The following CNTN5 variants were observed in gnomAD, a reference collection of about 807,000 sequenced individuals.
CNTN5 encodes contactin 5, also known as contactin-5.
CNTN5 carries 77 observed loss-of-function variants against 129.1 expected under a neutral mutation model. The observed-to-expected ratio is 0.60, with a 90% confidence interval of 0.50 to 0.72. The LOEUF (loss-of-function observed/expected upper bound fraction) is 0.72. CNTN5 is among the 30% of genes least tolerant of loss of function. The pLI, the probability that CNTN5 is intolerant of heterozygous loss-of-function variation, is 0.00. For missense variants in CNTN5, 1,478 were observed against 1,328.8 expected, an observed-to-expected ratio of 1.11 and a Z score of -1.75; for synonymous variants, 509 against 465.6, an observed-to-expected ratio of 1.09 and a Z score of -1.20.
chr11:100,275,678 C>T (rs1950495408), intron 18 of CNTN5, among the ~76,000 whole-genome samples: 2 of 152,278 alleles, frequency 1.3e-5, no homozygotes, highest in Non-Finnish European at 2.9e-5. Flanking sequence ...TCATGTATTG[C>T]CTGTCTCTAT....
intron 3 of CNTN5, among the ~76,000 whole-genome samples, chr11:99,598,355 T>A (rs371277362): frequency 3.9e-5 from 2 of 51,842 alleles, no homozygotes; most frequent in East Asian, 8.4e-4. Context: ...TCTCTCTCTC[T>A]CTCTCTCTCT....
At chr11:99,816,765 T>C (rs1459504283) in intron 3 of CNTN5, among the ~76,000 whole-genome samples, 1 of 152,190 alleles carries the variant, frequency 6.6e-6, no homozygotes, top group African/African-American at 2.4e-5. Context: ...AGACGTTTCA[T>C]CATCGGCACC....
At chr11:99,657,343 T>G (rs1422218445) in intron 3 of CNTN5, among the ~76,000 whole-genome samples, 1 of 151,970 alleles carries the variant, frequency 6.6e-6, no homozygotes, top group Non-Finnish European at 1.5e-5. Context: ...GCATCTATTT[T>G]GGGAATTTGG....
At chr11:99,185,916 TA>T (rs1209885435) in intron 1 of CNTN5, among the ~76,000 whole-genome samples, 2 of 136,388 alleles carry the variant, frequency 1.5e-5, no homozygotes, top group Non-Finnish European at 3.2e-5. Flanking sequence ...AGAGAAATGT[TA>T]TCACAATTTA....
chr11:99,830,149 TG>T (rs1352207649), intron 4 of CNTN5, among the ~76,000 whole-genome samples: 1 of 152,128 alleles, frequency 6.6e-6, no homozygotes, highest in Non-Finnish European at 1.5e-5. Flanking sequence ...TTCTTCTGTT[TG>T]TCCTGATTCA....
At chr11:100,265,442 T>G (rs972452175) in intron 17 of CNTN5, among the ~76,000 whole-genome samples, 2 of 152,132 alleles carry the variant, frequency 1.3e-5, no homozygotes, top group African/African-American at 2.4e-5. Flanking sequence ...TAAGTCTCTC[T>G]GGAGCCACAC....
At chr11:99,961,206 G>GAGAAAAA (rs1555167359) in intron 8 of CNTN5, among the ~76,000 whole-genome samples, 8 of 95,694 alleles carry the variant, frequency 8.4e-5, no homozygotes, top group Middle Eastern at 6.2e-3. Flanking sequence ...CTCCGTCTCA[G>GAGAAAAA]AAAAAAAAAA....
At chr11:100,287,985 C>G (rs1158377374) in intron 18 of CNTN5, among the ~76,000 whole-genome samples, 2 of 151,756 alleles carry the variant, frequency 1.3e-5, no homozygotes, top group Non-Finnish European at 2.9e-5. Context: ...AGACTTTAAA[C>G]CAACAAAGAT....
At chr11:99,373,660 C>T (rs1939969659) in intron 2 of CNTN5, among the ~76,000 whole-genome samples, 1 of 136,376 alleles carries the variant, frequency 7.3e-6, no homozygotes, top group South Asian at 2.3e-4. Flanking sequence ...TTGTAGTGAG[C>T]TGAGATAGCG....
intron 3 of CNTN5, among the ~76,000 whole-genome samples, chr11:99,732,333 GATA>G (rs1375578017): frequency 6.6e-6 from 1 of 152,138 alleles, no homozygotes; most frequent in African/African-American, 2.4e-5. Flanking sequence ...AGTTATTACT[GATA>G]ATAAGTTTAG....
chr11:99,943,577 C>T (rs2136120671), intron 7 of CNTN5, among the ~76,000 whole-genome samples: 1 of 152,112 alleles, frequency 6.6e-6, no homozygotes, highest in Non-Finnish European at 1.5e-5. Context: ...GTTGCCATTG[C>T]TTTTGATGTT....
At chr11:99,487,640 C>T (rs1945868915) in intron 2 of CNTN5, among the ~76,000 whole-genome samples, 1 of 152,168 alleles carries the variant, frequency 6.6e-6, no homozygotes, top group Admixed American at 6.5e-5. Flanking sequence ...ATACACTTTC[C>T]TTCTAGCAGA....
intron 13 of CNTN5, among the ~76,000 whole-genome samples, chr11:100,080,735 A>G (rs1215453761): frequency 1.3e-5 from 2 of 152,118 alleles, no homozygotes; most frequent in Non-Finnish European, 2.9e-5. Context: ...AGAACGTAAA[A>G]CAATATAAAC....
intron 3 of CNTN5, among the ~76,000 whole-genome samples, chr11:99,632,114 G>C (rs991699475): frequency 1.3e-5 from 2 of 152,028 alleles, no homozygotes; most frequent in African/African-American, 4.8e-5. Flanking sequence ...CTGCGAATAA[G>C]TGGGGATACT....
rs573648881 is a variant in CNTN5, at chr11:99,815,967, C to T, written c.56-3577C>T. 3.3e-5 allele frequency among the ~76,000 whole-genome samples: 5 copies of T among 152,146 alleles called. No homozygotes were observed. In the South Asian group the frequency reaches 6.2e-4, roughly 19 times the overall value. ...TTCCCTCCCTCACCGGGTTAGAGTC[C>T]GTGGTCCATAACATTATTCACTTCC... On this transcript the variant is annotated intron_variant, in intron 3 of 24. Coordinates refer to ENST00000524871, the MANE Select transcript of CNTN5 (RefSeq NM_014361.4).
At chr11:99,160,980 A>G (rs1209002830) in intron 1 of CNTN5, among the ~76,000 whole-genome samples, 1 of 152,202 alleles carries the variant, frequency 6.6e-6, no homozygotes, top group African/African-American at 2.4e-5. Flanking sequence ...TTTACCAGGT[A>G]CAAATCTATA....
chr11:99,856,597 T>C (rs960572544), intron 6 of CNTN5, among the ~76,000 whole-genome samples: 2 of 121,960 alleles, frequency 1.6e-5, no homozygotes, highest in African/African-American at 6.4e-5. Flanking sequence ...CTGTGCACTT[T>C]ATTCTTGAAT....
At chr11:99,511,456 C>T (rs1357297903) in intron 2 of CNTN5, among the ~76,000 whole-genome samples, 2 of 151,750 alleles carry the variant, frequency 1.3e-5, no homozygotes, top group African/African-American at 2.4e-5. Flanking sequence ...GAGAGCTTTA[C>T]TTCCAACTAT....
intron 15 of CNTN5, among the ~76,000 whole-genome samples, chr11:100,215,479 T>C (rs1296092512): frequency 1.3e-5 from 2 of 152,198 alleles, no homozygotes; most frequent in Non-Finnish European, 2.9e-5. Context: ...ATACAAGTAG[T>C]GTTACCATAA....
Sources: allele counts gnomAD v4.1 joint callset (sites outside exome capture counted in the v4.1 genomes callset), GRCh38; gene constraint gnomAD v4.1.1; transcripts MANE v1.5; gene names NCBI Gene and HGNC (gene_info 2026-07-23, HGNC 2026-07-21).